Variants in KAZN observed in about 807,000 individuals in gnomAD.
The protein encoded by KAZN is kazrin.
Under a neutral mutation model 87.4 loss-of-function variants are expected in KAZN, and 40 were observed. The ratio of observed to expected loss-of-function variants is 0.46; its 90% CI spans 0.36 to 0.60. KAZN has a LOEUF of 0.60. Ranked by LOEUF, KAZN falls within the 20% of genes least tolerant of loss-of-function variation. KAZN has a pLI of 0.00. For missense variants in KAZN, 898 were observed against 1,073.9 expected (o/e 0.84, Z 2.29); for synonymous variants, 466 against 458.3 (o/e 1.02, Z -0.22).
In KAZN at chr1:14,220,137, G is replaced by C. The variant is rs1047255822; in HGVS notation, c.249+39545G>C. Among the ~76,000 whole-genome samples, 5 of 152,004 alleles carry C rather than the reference G, an allele frequency of 3.3e-5. No homozygotes were observed. In the East Asian group the frequency reaches 9.6e-4, roughly 29 times the overall value. ...TTTGGTCATGCCTTCTGTGCTCTCT[G>C]TGTTCTCCTGCCTTGGCATTACCTG... On this transcript the variant is annotated intron_variant, in intron 2 of 16. Coordinates refer to the KAZN transcript ENST00000636203.
At chr1:14,026,570 G>T (rs1359947702) in intron 1 of KAZN, among the ~76,000 whole-genome samples, 1 of 152,192 alleles carries the variant, frequency 6.6e-6, no homozygotes, top group Non-Finnish European at 1.5e-5. Context: ...AAAATAATTT[G>T]TCGAGTGCCA....
chr1:15,060,360 C>G (rs1281504065), intron 6 of KAZN, 58 bp downstream of exon 6: 179 of 1,445,970 alleles, frequency 1.2e-4, no homozygotes, highest in Non-Finnish European at 1.6e-4. Context: ...ACTGCAGGGG[C>G]GGGGGTGGCG....
rs77458563 is a variant in KAZN at position 14,154,953 on chromosome 1, TCTTCCTTCCTTC to T, written c.92-25450_92-25439del. On this transcript the variant is annotated intron_variant, in intron 1 of 16. Coordinates refer to the KAZN transcript ENST00000636203. ...TCATCAGAGATTGGCTTGTAGTTTT[TCTTCCTTCCTTC>T]CTTCCTTCCTTCCTTCCTTCCTTCC... 5.4e-4 allele frequency among the ~76,000 whole-genome samples: 73 copies of T among 134,878 alleles called. 1 individual carries two copies. The highest frequency in any genetic ancestry group is 9.7e-4 in the African/African-American group (31 of 32,006). 88.5% of individuals were successfully genotyped at this position (134,878 alleles called of 152,430 possible). A position where few individuals can be genotyped will look rare whatever the true frequency, so the allele number is the denominator to read the frequency against.
intron 1 of KAZN, among the ~76,000 whole-genome samples, chr1:14,166,976 AC>A (rs1645841902): frequency 6.6e-6 from 1 of 152,256 alleles, no homozygotes; most frequent in Non-Finnish European, 1.5e-5. Flanking sequence ...TGTATGAAGA[AC>A]TGAAGGGCCA....
At chr1:15,076,205 G>A (rs1446948318) in intron 8 of KAZN, among the ~76,000 whole-genome samples, 1 of 152,206 alleles carries the variant, frequency 6.6e-6, no homozygotes, top group African/African-American at 2.4e-5. Context: ...GTCCCCAAAT[G>A]GAGGGTTAGA....
intron 1 of KAZN, among the ~76,000 whole-genome samples, chr1:14,158,569 G>C (rs900386908): frequency 7.2e-5 from 11 of 152,100 alleles, no homozygotes; most frequent in African/African-American, 2.7e-4. Flanking sequence ...TGAATTCTCT[G>C]TCTGAAAGGT....
intron 8 of KAZN, among the ~76,000 whole-genome samples, chr1:15,092,327 G>A (rs184786858): frequency 5.9e-4 from 89 of 151,818 alleles, no homozygotes; most frequent in African/African-American, 2.0e-3. Context: ...CACCTACCTC[G>A]GCCTCCCAAA....
At chr1:14,196,567 C>A (rs567288538) in intron 2 of KAZN, among the ~76,000 whole-genome samples, 2 of 151,758 alleles carry the variant, frequency 1.3e-5, no homozygotes, top group African/African-American at 4.8e-5. Flanking sequence ...CTGGAAGAAT[C>A]GAGAAGGCTG....
intron 2 of KAZN, among the ~76,000 whole-genome samples, chr1:14,350,181 C>G (rs1372695905): frequency 3.3e-5 from 5 of 151,884 alleles, no homozygotes; most frequent in Non-Finnish European, 7.4e-5. Context: ...GGAAGAACCC[C>G]CAGTCTCCAG....
chr1:14,096,802 C>G (rs1644139043), intron 1 of KAZN, among the ~76,000 whole-genome samples: 1 of 152,148 alleles, frequency 6.6e-6, no homozygotes, highest in Non-Finnish European at 1.5e-5. Context: ...AATCCCCAGG[C>G]CTACTTCAAC....
intron 1 of KAZN, among the ~76,000 whole-genome samples, chr1:14,148,629 G>A (rs1645403549): frequency 6.6e-6 from 1 of 152,026 alleles, no homozygotes; most frequent in South Asian, 2.1e-4. Context: ...TTTTGTTTAT[G>A]TTTCTTTTGT....
At chr1:14,247,420 A>G (rs1649617252) in intron 2 of KAZN, among the ~76,000 whole-genome samples, 1 of 152,198 alleles carries the variant, frequency 6.6e-6, no homozygotes, top group South Asian at 2.1e-4. Context: ...CAAAACAAGT[A>G]AAAAGGATTC....
At chr1:14,278,291 CTTT>C (rs869207394) in intron 2 of KAZN, among the ~76,000 whole-genome samples, 5 of 135,062 alleles carry the variant, frequency 3.7e-5, no homozygotes, top group Admixed American at 7.5e-5. Flanking sequence ...GCACTGATTC[CTTT>C]TTTTTTTTTT....
chr1:14,613,639 A>G (rs547596410), intron 1 of KAZN, among the ~76,000 whole-genome samples: 1 of 152,378 alleles, frequency 6.6e-6, no homozygotes, highest in Admixed American at 6.5e-5. Context: ...GGTATTGCAT[A>G]TATTTGAAAA....
At chr1:13,893,816 T>G in intron 1 of KAZN, 1 of 1,537,086 alleles carries the variant, frequency 6.5e-7, no homozygotes, top group Non-Finnish European at 8.8e-7. Context: ...TTATCCCGGG[T>G]CCCCAAAAAC....
At position 14,802,394 on chromosome 1, in the gene KAZN, AC is replaced by A. The variant is rs1646062437; in HGVS notation, c.227-158289del. ...ACTCTAGCCTGGGTGACAGAGCAAA[AC>A]TCTTGTCTCAAAAAAAAAAAAAAAA... On this transcript the variant is annotated intron_variant, in intron 1 of 14. Transcript: ENST00000376030. Among the ~76,000 whole-genome samples the A allele has an allele frequency of 6.5e-5, 8 of 123,220 alleles. No individual in the cohort carries two copies. The Admixed American group carries it at 6.8e-4, about 10-fold the overall frequency. 80.8% of individuals were successfully genotyped at this position (123,220 alleles called of 152,430 possible). A position where few individuals can be genotyped will look rare whatever the true frequency, so the allele number is the denominator to read the frequency against.
chr1:14,884,587 T>C (rs1460657113), intron 1 of KAZN, among the ~76,000 whole-genome samples: 1 of 152,220 alleles, frequency 6.6e-6, no homozygotes, highest in Non-Finnish European at 1.5e-5. Flanking sequence ...AGTCCAGGGC[T>C]GGGTGCATTT....
intron 2 of KAZN, among the ~76,000 whole-genome samples, chr1:14,471,961 A>G (rs1299210397): frequency 6.6e-6 from 1 of 152,230 alleles, no homozygotes; most frequent in Admixed American, 6.5e-5. Flanking sequence ...TGGGTAATTT[A>G]CAATAATGGA....
At chr1:14,179,670 A>C (rs1260437570) in intron 1 of KAZN, among the ~76,000 whole-genome samples, 2 of 152,278 alleles carry the variant, frequency 1.3e-5, no homozygotes, top group Non-Finnish European at 2.9e-5. Context: ...GAGGAAAGAA[A>C]TATTAATTCA....
Sources: allele counts gnomAD v4.1 joint callset (sites outside exome capture counted in the v4.1 genomes callset), GRCh38; gene constraint gnomAD v4.1.1; transcripts MANE v1.5; gene names NCBI Gene and HGNC (gene_info 2026-07-23, HGNC 2026-07-21).